EGR2: variants seen among roughly 807,000 people sequenced by gnomAD.
The protein encoded by EGR2 is early growth response 2.
In EGR2, 2 loss-of-function variants were observed where a neutral mutation model predicts 21.2. The observed-to-expected ratio is 0.09, with a 90% CI of 0.04 to 0.30. The LOEUF (loss-of-function observed/expected upper bound fraction) is 0.30. Ranked by LOEUF, EGR2 falls within the 10% of genes least tolerant of loss-of-function variation. The pLI, the probability that EGR2 is intolerant of heterozygous loss-of-function variation, is 1.00. For synonymous variants in EGR2, 282 were observed against 258.2 expected, an observed-to-expected ratio of 1.09 and a Z score of -0.88; for missense variants, 458 against 630.2, an observed-to-expected ratio of 0.73 and a Z score of 2.93.
In EGR2 at chr10:62,814,528, C is replaced by CGA; in HGVS notation, c.170-61_170-60insTC. 2.7e-6 allele frequency: 4 copies of CGA among 1,479,844 alleles called. No individual in the cohort carries two copies. The Admixed American group carries it at 6.7e-5, about 25-fold the overall frequency. The allele number at this position is 1,479,844 out of a possible 1,614,324, so 91.7% of individuals were successfully genotyped here. A position where few individuals can be genotyped will look rare whatever the true frequency, so the allele number is the denominator to read the frequency against. ...ATGAAAATACAGCCAGGACTCCCTTCTCACCCCCGCTCACATAGGTCCATT... is the reference window on the plus strand; with the variant it reads ...ATGAAAATACAGCCAGGACTCCCTTCGATCACCCCCGCTCACATAGGTCCATT... On this transcript the variant is annotated intron_variant, in intron 1 of 1. Coordinates refer to ENST00000242480, the MANE Select transcript of EGR2 (RefSeq NM_000399.5). The surrounding 1 kb of genome is among the most constrained non-coding windows in gnomAD (Gnocchi z 4.8).
rs184558884 is a variant in EGR2, at chr10:62,814,282, C to T, written c.356G>A (p.Gly119Asp). 1.9e-6 allele frequency: 3 copies of T among 1,614,114 alleles called. No individual in the cohort carries two copies. The highest frequency in any genetic ancestry group is 2.2e-5 in the East Asian group (1 of 44,880). Reference sequence around the variant, plus strand: ...TGGGGAAGTGACCCCTTGCAAGATGCCTGCACTCACAATATTGATTATGCC... The same window carrying T: ...TGGGGAAGTGACCCCTTGCAAGATGTCTGCACTCACAATATTGATTATGCC... ...PEGIINIVSA[G>D]ILQGVTSPAS... is the part of the protein sequence containing the mutation. Residue 119 changes from glycine (G) to aspartate (D), a missense_variant, in exon 2 of 2, where the codon GGC (glycine) becomes GAC (aspartate). Around this residue, in one of 5 missense-constraint regions of EGR2, gnomAD observed 253 missense variants for 315.5 expected, o/e 0.80. Transcript: ENST00000242480. This position sits in a 1 kb window ranked among gnomAD's most constrained non-coding sequence, Gnocchi z 4.8.
Position 62,813,325 on chromosome 10 carries a change from G to C in EGR2, c.1313C>G (p.Pro438Arg). The stretch of plus-strand genomic sequence containing the variant: ...GCCCCCAGAGCAGGAGGCTGTAGAG[G>C]GGGCTGGCACCGATGCAGAGGGGGC... ...SSAPSASVPAPSTASCSGGVQ... is the reference protein window; with the variant it reads ...SSAPSASVPARSTASCSGGVQ... Residue 438 changes from proline to arginine, a missense_variant, in exon 2 of 2, where the codon CCC becomes CGC. Transcript: ENST00000242480. The surrounding 1 kb of genome is among the most constrained non-coding windows in gnomAD (Gnocchi z 5.7). The C allele has an allele frequency of 6.3e-7, 1 of 1,585,886 alleles. No individual in the cohort carries two copies. Among genetic ancestry groups the C allele is most frequent in the Non-Finnish European group, 8.6e-7 (1 of 1,163,230 alleles).
At position 62,816,086 on chromosome 10, in the gene EGR2, G is replaced by A. The variant is rs1842261119; in HGVS notation, c.-57C>T. The A allele has an allele frequency of 2.5e-6, 4 of 1,613,674 alleles. No individual in the cohort carries two copies. The Admixed American group carries it at 6.7e-5, about 27-fold the overall frequency. ...CCTCGCTACCTGGAGTGTCAGAAAA[G>A]CCGTTTTGGAGAGGGGTTGGACTGA... On this transcript the variant is annotated 5_prime_UTR_variant, in exon 1 of 2. Coordinates refer to ENST00000242480, the MANE Select transcript of EGR2 (RefSeq NM_000399.5).
At position 62,812,989 on chromosome 10, in the gene EGR2, G is replaced by A. The variant is rs1041594378; in HGVS notation, c.*218C>T. Reference sequence around the variant, plus strand: ...TCCTTCTGAGCCTCCCCTTTGCCTTGGGTTGATAGTCAACTCACCTAAGAG... The same window carrying A: ...TCCTTCTGAGCCTCCCCTTTGCCTTAGGTTGATAGTCAACTCACCTAAGAG... On this transcript the variant is annotated 3_prime_UTR_variant, in exon 2 of 2. Coordinates refer to ENST00000242480, the MANE Select transcript of EGR2 (RefSeq NM_000399.5). 9.7e-5 allele frequency: 46 copies of A among 473,672 alleles called. No homozygotes were observed. The highest frequency in any genetic ancestry group is 1.4e-4 in the Non-Finnish European group (39 of 279,304). The allele number at this position is 473,672 out of a possible 1,614,324, so 29.3% of individuals were successfully genotyped here. A position where few individuals can be genotyped will look rare whatever the true frequency, so the allele number is the denominator to read the frequency against.
At chr10:62,815,619 G>T (rs962377409) in intron 1 of EGR2, among the ~76,000 whole-genome samples, 10 of 152,348 alleles carry the variant, frequency 6.6e-5, no homozygotes, top group African/African-American at 2.4e-4. Flanking sequence ...GCGCTCGCCC[G>T]GGGCTGGGCG....
At chr10:62,816,448 AG>A (rs1842272429), upstream of EGR2, 1 of 1,013,540 alleles carries the variant, frequency 9.9e-7, no homozygotes, top group South Asian at 2.5e-5. Flanking sequence ...ACTGAGGAAC[AG>A]GGCTGGGCCA....
chr10:62,818,767 GAGGCGA>G (rs1838317352), upstream of EGR2: 1 of 260,068 alleles, frequency 3.8e-6, no homozygotes, highest in Non-Finnish European at 6.6e-6. Flanking sequence ...AAGCGCGGGC[GAGGCGA>G]CTGCTCGCGC....
upstream of EGR2, among the ~76,000 whole-genome samples, chr10:62,818,318 G>T (rs1009250516): frequency 1.3e-5 from 2 of 152,208 alleles, no homozygotes; most frequent in African/African-American, 4.8e-5. Context: ...GGTATCCAGC[G>T]GCCGGCCATC....
chr10:62,818,115 G>C (rs1838298254), upstream of EGR2, among the ~76,000 whole-genome samples: 1 of 152,198 alleles, frequency 6.6e-6, no homozygotes, highest in African/African-American at 2.4e-5. Context: ...CGGGAGCCAC[G>C]GCGCCACGCC....
At position 62,813,696 on chromosome 10, in the gene EGR2, G is replaced by C; in HGVS notation, c.942C>G (p.His314Gln). Residue 314 changes from histidine to glutamine, a missense_variant, in exon 2 of 2, where the codon CAC (histidine) becomes CAG (glutamine). His to Gln is a conservative substitution (Grantham distance 24). This residue lies in a region of EGR2 where 253 missense variants were observed against 315.5 expected (regional missense o/e 0.80). Transcript: ENST00000242480. This position sits in a 1 kb window ranked among gnomAD's most constrained non-coding sequence, Gnocchi z 5.7. ...GCCTCAGAATGGGCCGCAGTGGCAG[G>C]TGGTGTGGGTTATAGGCGGCGGCGG... is the stretch of plus-strand genomic sequence containing the variant. ...AAAAAAYNPH[H>Q]LPLRPILRPR... 6.2e-7 allele frequency: 1 copy of C among 1,613,434 alleles called. No homozygotes were observed. The highest frequency in any genetic ancestry group is 8.5e-7 in the Non-Finnish European group (1 of 1,180,012).
At chr10:62,817,904 C>G (rs1385541446), upstream of EGR2, among the ~76,000 whole-genome samples, 2 of 152,244 alleles carry the variant, frequency 1.3e-5, no homozygotes, top group Non-Finnish European at 2.9e-5. The surrounding 1 kb of genome is among the most constrained non-coding windows in gnomAD (Gnocchi z 4.4). Flanking sequence ...AGGCTGGTCC[C>G]GGGTGCCCAA....
Position 62,813,190 on chromosome 10 carries a change from T to A in EGR2, c.*17A>T. ...TCCGGGACCTTTGGGAGCTGGTGTA[T>A]CAGCCTGAGTCTCATCTCAAGGTGT... On this transcript the variant is annotated 3_prime_UTR_variant, in exon 2 of 2. Transcript: ENST00000242480. This position sits in a 1 kb window ranked among gnomAD's most constrained non-coding sequence, Gnocchi z 5.7. 6.5e-7 allele frequency: 1 copy of A among 1,546,164 alleles called. No homozygotes were observed. The highest frequency in any genetic ancestry group is 8.7e-7 in the Non-Finnish European group (1 of 1,152,288).
chr10:62,817,372 C>T (rs1194104411), upstream of EGR2, among the ~76,000 whole-genome samples: 3 of 152,200 alleles, frequency 2.0e-5, no homozygotes, highest in Non-Finnish European at 4.4e-5. This position sits in a 1 kb window ranked among gnomAD's most constrained non-coding sequence, Gnocchi z 4.4. Context: ...CACACCCGCT[C>T]ACACACCTTA....
chr10:62,817,369 G>T (rs2132716022), upstream of EGR2, among the ~76,000 whole-genome samples: 1 of 152,110 alleles, frequency 6.6e-6, no homozygotes, highest in South Asian at 2.1e-4. This position sits in a 1 kb window ranked among gnomAD's most constrained non-coding sequence, Gnocchi z 4.4. Flanking sequence ...TCACACACCC[G>T]CTCACACACC....
At chr10:62,815,398 G>C (rs1479729044) in intron 1 of EGR2, among the ~76,000 whole-genome samples, 1 of 152,222 alleles carries the variant, frequency 6.6e-6, no homozygotes, top group Non-Finnish European at 1.5e-5. Context: ...AGATTTTCCC[G>C]GGGTCGGCTC....
rs1020239284 is a variant in EGR2 at position 62,812,393 on chromosome 10, A to G, written c.*814T>C. ...AATTGCATGCATCCTAGTTTCAGAG[A>G]ATATATGTACATCCCCCTTAAATAA... On this transcript the variant is annotated 3_prime_UTR_variant, in exon 2 of 2. Coordinates refer to ENST00000242480, the MANE Select transcript of EGR2 (RefSeq NM_000399.5). 5 of 152,810 alleles carry G rather than the reference A, an allele frequency of 3.3e-5. No homozygotes were observed. The highest frequency in any genetic ancestry group is 1.2e-4 in the African/African-American group (5 of 41,464). 9.5% of individuals were successfully genotyped at this position (152,810 alleles called of 1,614,324 possible).
chr10:62,818,532 C>T, upstream of EGR2: 1 of 1,221,270 alleles, frequency 8.2e-7, no homozygotes, highest in South Asian at 1.3e-5. Context: ...AAGATAGCTG[C>T]GTTCTTACCA....
rs762198262 is a variant in EGR2 at position 62,813,162 on chromosome 10, G to C, written c.*45C>G. 2 of 1,515,134 alleles carry C rather than the reference G, an allele frequency of 1.3e-6. No individual in the cohort carries two copies. Among genetic ancestry groups the C allele is most frequent in the African/African-American group, 2.8e-5 (2 of 71,906 alleles). The allele number at this position is 1,515,134 out of a possible 1,614,324, so 93.9% of individuals were successfully genotyped here. On this transcript the variant is annotated 3_prime_UTR_variant, in exon 2 of 2. Coordinates refer to ENST00000242480, the MANE Select transcript of EGR2 (RefSeq NM_000399.5). The surrounding 1 kb of genome is among the most constrained non-coding windows in gnomAD (Gnocchi z 5.7). ...GTTGTGCAGCTCCAGTGGACAAAGG[G>C]CCTCCGGGACCTTTGGGAGCTGGTG...
chr10:62,816,088 C>T lies in EGR2; in HGVS notation c.-59G>A. The stretch of plus-strand genomic sequence containing the variant: ...TCGCTACCTGGAGTGTCAGAAAAGC[C>T]GTTTTGGAGAGGGGTTGGACTGAGC... On this transcript the variant is annotated 5_prime_UTR_variant, in exon 1 of 2. Transcript: ENST00000242480. 1.2e-6 allele frequency: 2 copies of T among 1,613,514 alleles called. No homozygotes were observed. Among genetic ancestry groups the T allele is most frequent in the Admixed American group, 3.3e-5 (2 of 60,022 alleles).
Sources: allele counts gnomAD v4.1 joint callset (sites outside exome capture counted in the v4.1 genomes callset), GRCh38; gene constraint gnomAD v4.1.1; regional missense constraint gnomAD v4.1.1; non-coding constraint Gnocchi (gnomAD v3.1); transcripts MANE v1.5; gene names NCBI Gene and HGNC (gene_info 2026-07-23, HGNC 2026-07-21).